Variants in TTC28 observed in about 807,000 individuals in gnomAD.
TTC28 encodes the protein tetratricopeptide repeat domain 28.
TTC28 carries 61 observed loss-of-function variants against 198.0 expected under a neutral mutation model. That is an observed-to-expected ratio of 0.31 (90% CI 0.25 to 0.38). TTC28 has a LOEUF of 0.38. Among genes scored for constraint, TTC28 ranks in the 10% least tolerant of loss-of-function variants. The probability of loss-of-function intolerance (pLI) is 1.00; values close to 1 mark genes in which losing one functional copy is unlikely to be tolerated. For synonymous variants in TTC28, 1,171 were observed against 1,297.8 expected, an observed-to-expected ratio of 0.90 and a Z score of 2.10; for missense variants, 2,678 against 3,164.0, an observed-to-expected ratio of 0.85 and a Z score of 3.69.
At chr22:28,043,242 CAAAAAAAAAAA>C (rs11362041) in intron 12 of TTC28, among the ~76,000 whole-genome samples, 2 of 65,568 alleles carry the variant, frequency 3.1e-5, no homozygotes, top group South Asian at 1.0e-3. Context: ...GACTCCATCT[CAAAAAAAAAAA>C]AAAAAAAAAA....
chr22:28,219,793 G>T (rs146489261), intron 5 of TTC28, among the ~76,000 whole-genome samples: 1 of 152,142 alleles, frequency 6.6e-6, no homozygotes, highest in Non-Finnish European at 1.5e-5. Context: ...TGAAAAATGC[G>T]TTAGAAAATG....
At chr22:28,098,808 A>G (rs1942047677) in intron 10 of TTC28, 107 bp downstream of exon 10, 1 of 1,387,092 alleles carries the variant, frequency 7.2e-7, no homozygotes, top group African/African-American at 1.5e-5. Context: ...TGTTGTCACA[A>G]CAAATCATAT....
In TTC28 at chr22:28,118,216, T is replaced by A. The variant is rs1942687016; in HGVS notation, c.1442-9813A>T. On this transcript the variant is annotated intron_variant, in intron 6 of 22. Transcript: ENST00000397906. ...GAGTTCGAGACCAACCTGGCCAACA[T>A]GGTGAAACCCCGTCTCTACTAAAAA... 3.9e-5 allele frequency among the ~76,000 whole-genome samples: 6 copies of A among 152,190 alleles called. No individual in the cohort carries two copies. In the South Asian group the frequency reaches 1.2e-3, roughly 32 times the overall value.
chr22:28,533,193 A>C (rs2145905564), intron 2 of TTC28, among the ~76,000 whole-genome samples: 1 of 152,322 alleles, frequency 6.6e-6, no homozygotes, highest in East Asian at 1.9e-4. Flanking sequence ...TAAGCCGATA[A>C]GCAGCTTCAG....
At chr22:28,543,221 G>A (rs1353358254) in intron 2 of TTC28, among the ~76,000 whole-genome samples, 1 of 151,996 alleles carries the variant, frequency 6.6e-6, no homozygotes, top group Non-Finnish European at 1.5e-5. Flanking sequence ...TCACCTTATA[G>A]TTCCAAATAC....
chr22:28,533,293 G>A (rs187076990), intron 2 of TTC28, among the ~76,000 whole-genome samples: 28 of 152,144 alleles, frequency 1.8e-4, no homozygotes, highest in East Asian at 3.9e-4. Context: ...AATCATGAGC[G>A]AACTCCCATT....
chr22:28,243,698 T>G (rs1929865789), intron 5 of TTC28, among the ~76,000 whole-genome samples: 1 of 151,998 alleles, frequency 6.6e-6, no homozygotes, highest in Non-Finnish European at 1.5e-5. Flanking sequence ...TAGTGGCATG[T>G]GGGGTGGGAT....
intron 6 of TTC28, among the ~76,000 whole-genome samples, chr22:28,122,771 C>A (rs1942820137): frequency 6.6e-6 from 1 of 152,198 alleles, no homozygotes; most frequent in African/African-American, 2.4e-5. Flanking sequence ...TGTATACAAT[C>A]ATTTTCTCAA....
intron 12 of TTC28, among the ~76,000 whole-genome samples, chr22:28,090,928 C>A (rs538918003): frequency 6.6e-6 from 1 of 152,206 alleles, no homozygotes; most frequent in African/African-American, 2.4e-5. Flanking sequence ...TACTCCAAAG[C>A]AACAGGAAAA....
At chr22:28,190,409 GCT>G (rs1924622793) in intron 5 of TTC28, among the ~76,000 whole-genome samples, 1 of 152,154 alleles carries the variant, frequency 6.6e-6, no homozygotes, top group South Asian at 2.1e-4. Context: ...AAGATCTTAT[GCT>G]CTGTCACCAC....
intron 12 of TTC28, among the ~76,000 whole-genome samples, chr22:28,051,095 C>A (rs1940068491): frequency 6.6e-6 from 1 of 152,152 alleles, no homozygotes; most frequent in Admixed American, 6.5e-5. Flanking sequence ...TAGGCAACAA[C>A]CGGGGGTAGG....
chr22:28,203,364 T>C (rs1926133352), intron 5 of TTC28, among the ~76,000 whole-genome samples: 1 of 152,172 alleles, frequency 6.6e-6, no homozygotes, highest in Non-Finnish European at 1.5e-5. Flanking sequence ...CTATTATTTG[T>C]CACATAAAAT....
intron 10 of TTC28, 35 bp downstream of exon 10, chr22:28,098,880 A>C: frequency 6.5e-7 from 1 of 1,548,934 alleles, no homozygotes; most frequent in Non-Finnish European, 8.7e-7. Context: ...GCACTAGTGC[A>C]CACGTAAGCA....
intron 5 of TTC28, among the ~76,000 whole-genome samples, chr22:28,252,530 G>C (rs891539196): frequency 4.6e-5 from 7 of 152,200 alleles, no homozygotes; most frequent in African/African-American, 1.4e-4. Flanking sequence ...TGAAACCAGA[G>C]AGAAGCCATT....
In TTC28 at chr22:28,212,039, C is replaced by T. The variant is rs191506986; in HGVS notation, c.934-48440G>A. 9.2e-4 allele frequency among the ~76,000 whole-genome samples: 140 copies of T among 152,170 alleles called. 1 individual carries two copies. Among genetic ancestry groups the T allele is most frequent in the African/African-American group, 3.2e-3 (133 of 41,512 alleles). The stretch of plus-strand genomic sequence containing the variant: ...TCCTCAATGACTACTGGGTACATAA[C>T]GAAATGAAGGCAGAAATAAAGATGT... On this transcript the variant is annotated intron_variant, in intron 5 of 22. Transcript: ENST00000397906.
chr22:28,003,541 A>T (rs1937800389), intron 14 of TTC28, among the ~76,000 whole-genome samples: 1 of 152,038 alleles, frequency 6.6e-6, no homozygotes, highest in South Asian at 2.1e-4. Flanking sequence ...CTAAGCCCAA[A>T]CCACAGTAAG....
intron 2 of TTC28, among the ~76,000 whole-genome samples, chr22:28,618,682 CAA>C (rs397974118): frequency 5.6e-5 from 3 of 54,006 alleles, no homozygotes; most frequent in Non-Finnish European, 4.0e-5. Context: ...ACTCTGTCTC[CAA>C]AAAAAAAAAA....
intron 21 of TTC28, 25 bp downstream of exon 21, chr22:27,989,853 T>TTTAA (rs773949215): frequency 1.3e-6 from 2 of 1,541,528 alleles, no homozygotes; most frequent in South Asian, 2.4e-5. Context: ...CAAGAACCCA[T>TTTAA]TTAAGTCAAG....
intron 6 of TTC28, among the ~76,000 whole-genome samples, chr22:28,112,386 T>C (rs537596840): frequency 3.3e-5 from 5 of 152,332 alleles, no homozygotes; most frequent in Non-Finnish European, 5.9e-5. Context: ...CTGCTGGTTA[T>C]GGCAAAATGA....
Sources: gnomAD v4.1 joint callset for allele counts (sites outside exome capture counted in the v4.1 genomes callset) on GRCh38, gnomAD v4.1.1 for gene constraint, MANE v1.5 for transcripts, NCBI Gene and HGNC (gene_info 2026-07-23, HGNC 2026-07-21) for gene names.